The following KIAA1328 variants were observed in gnomAD, a reference collection of about 807,000 sequenced individuals.
KIAA1328 encodes the protein KIAA1328.
Under a neutral mutation model 68.1 loss-of-function variants are expected in KIAA1328, and 52 were observed. The observed-to-expected ratio is 0.76, with a 90% CI of 0.61 to 0.96. The LOEUF is 0.96. Among genes scored for constraint, KIAA1328 ranks in the 40% least tolerant of loss-of-function variants. The pLI, the probability that KIAA1328 is intolerant of heterozygous loss-of-function variation, is 0.00. For synonymous variants in KIAA1328, 232 were observed against 239.4 expected, an observed-to-expected ratio of 0.97 and a Z score of 0.28; for missense variants, 641 against 677.6, an observed-to-expected ratio of 0.95 and a Z score of 0.60.
At chr18:37,191,678 G>A (rs1403108243) in intron 9 of KIAA1328, among the ~76,000 whole-genome samples, 1 of 152,174 alleles carries the variant, frequency 6.6e-6, no homozygotes. Flanking sequence ...AAGGCTGCAT[G>A]TTCCCCCATC....
At chr18:37,050,442 C>T (rs574998420) in intron 6 of KIAA1328, among the ~76,000 whole-genome samples, 1 of 152,156 alleles carries the variant, frequency 6.6e-6, no homozygotes, top group East Asian at 1.9e-4. Flanking sequence ...TCACCTTTTT[C>T]TGATCTGCAT....
At chr18:36,906,002 A>G (rs2049207174) in intron 5 of KIAA1328, among the ~76,000 whole-genome samples, 1 of 152,160 alleles carries the variant, frequency 6.6e-6, no homozygotes, top group South Asian at 2.1e-4. Context: ...ATTAACTCAT[A>G]TTTACATGGG....
intron 6 of KIAA1328, among the ~76,000 whole-genome samples, chr18:37,011,976 G>T (rs377494758): frequency 1.3e-5 from 2 of 152,026 alleles, no homozygotes; most frequent in African/African-American, 4.8e-5. Context: ...AAAAAAGGCC[G>T]CATTTTTAGT....
intron 9 of KIAA1328, among the ~76,000 whole-genome samples, chr18:37,197,434 A>G (rs2060024971): frequency 6.6e-6 from 1 of 152,140 alleles, no homozygotes; most frequent in Non-Finnish European, 1.5e-5. Flanking sequence ...GAATAAAAAA[A>G]TCCAATCCTG....
chr18:36,919,874 G>GAAGTGTCTGTTC (rs1455413525), intron 5 of KIAA1328, among the ~76,000 whole-genome samples: 1 of 152,072 alleles, frequency 6.6e-6, no homozygotes, highest in East Asian at 1.9e-4. Flanking sequence ...TTTCCTTTGA[G>GAAGTGTCTGTTC]AAGTGTCTGT....
intron 6 of KIAA1328, among the ~76,000 whole-genome samples, chr18:37,023,640 G>A (rs1331314289): frequency 6.6e-6 from 1 of 152,028 alleles, no homozygotes; most frequent in Non-Finnish European, 1.5e-5. Context: ...TTCACATCTG[G>A]GAAGACCTGT....
At chr18:36,855,973 G>T (rs1453271157) in intron 4 of KIAA1328, among the ~76,000 whole-genome samples, 1 of 151,564 alleles carries the variant, frequency 6.6e-6, no homozygotes, top group Non-Finnish European at 1.5e-5. Context: ...TAGTTAACAG[G>T]ATTTTTTTTT....
chr18:36,953,839 T>C (rs537291495), intron 5 of KIAA1328, among the ~76,000 whole-genome samples: 38 of 152,220 alleles, frequency 2.5e-4, no homozygotes, highest in African/African-American at 8.9e-4. Context: ...AAGGATTCAG[T>C]TGTGCTTCAT....
At chr18:36,989,944 C>T (rs1477683240) in intron 6 of KIAA1328, among the ~76,000 whole-genome samples, 5 of 152,136 alleles carry the variant, frequency 3.3e-5, no homozygotes, top group Middle Eastern at 3.2e-3. Flanking sequence ...CCGCCTGCCT[C>T]GGCCTCCCAA....
At chr18:36,995,674 T>C (rs2053361718) in intron 6 of KIAA1328, among the ~76,000 whole-genome samples, 1 of 152,224 alleles carries the variant, frequency 6.6e-6, no homozygotes, top group Non-Finnish European at 1.5e-5. Context: ...GCATATACAA[T>C]GAACTGCTGT....
chr18:37,153,128 A>G (rs539754833), intron 7 of KIAA1328, among the ~76,000 whole-genome samples: 1 of 152,316 alleles, frequency 6.6e-6, no homozygotes, highest in South Asian at 2.1e-4. Context: ...TGGTCCGACC[A>G]ATCTTTTGGG....
chr18:37,006,064 ATGTAT>A (rs757012579), intron 6 of KIAA1328, among the ~76,000 whole-genome samples: 118 of 152,222 alleles, frequency 7.8e-4, no homozygotes, highest in Non-Finnish European at 8.8e-4. Context: ...GTTAACAAAA[ATGTAT>A]TGTAATCAGG....
chr18:37,115,667 C>A (rs947580851), intron 7 of KIAA1328, among the ~76,000 whole-genome samples: 13 of 152,128 alleles, frequency 8.5e-5, no homozygotes, highest in African/African-American at 2.9e-4. Flanking sequence ...CTGGCCTGGG[C>A]AATCAGGCTG....
chr18:37,221,912 T>A, intron 9 of KIAA1328, 105 bp from the exon 10 acceptor site: 1 of 1,100,464 alleles, frequency 9.1e-7, no homozygotes, highest in Non-Finnish European at 1.3e-6. Flanking sequence ...CATGATGTGA[T>A]CTGTAATCTA....
chr18:37,165,687 G>A (rs2059375550), intron 8 of KIAA1328, among the ~76,000 whole-genome samples: 1 of 150,792 alleles, frequency 6.6e-6, no homozygotes, highest in South Asian at 2.1e-4. Context: ...TGCCTCCCAG[G>A]TTCAAGTGAT....
At chr18:36,856,796 A>G (rs1226718124) in intron 4 of KIAA1328, among the ~76,000 whole-genome samples, 4 of 152,118 alleles carry the variant, frequency 2.6e-5, no homozygotes, top group Admixed American at 6.6e-5. Flanking sequence ...GTAATTGTGG[A>G]AATCTAGATT....
chr18:36,961,646 A>G (rs1039929179), intron 6 of KIAA1328, among the ~76,000 whole-genome samples: 3 of 152,226 alleles, frequency 2.0e-5, no homozygotes, highest in Non-Finnish European at 4.4e-5. Flanking sequence ...GCCAGAAGAG[A>G]GTGGGGGCCA....
intron 6 of KIAA1328, among the ~76,000 whole-genome samples, chr18:36,975,512 C>G (rs2052435881): frequency 6.6e-6 from 1 of 152,134 alleles, no homozygotes; most frequent in Non-Finnish European, 1.5e-5. Context: ...ACCCTTTTCC[C>G]TTTTTTGGAT....
chr18:36,855,825 A>G (rs1166688776), intron 4 of KIAA1328, among the ~76,000 whole-genome samples: 1 of 151,688 alleles, frequency 6.6e-6, no homozygotes, highest in East Asian at 1.9e-4. Flanking sequence ...ATTATATTGA[A>G]GTAGTTAATT....
Sources: allele counts gnomAD v4.1 joint callset (sites outside exome capture counted in the v4.1 genomes callset), GRCh38; gene constraint gnomAD v4.1.1; transcripts MANE v1.5; gene names NCBI Gene and HGNC (gene_info 2026-07-23, HGNC 2026-07-21).